Variants in MAP4K3 observed in about 807,000 individuals in gnomAD.
MAP4K3 encodes mitogen-activated protein kinase kinase kinase kinase 3, also known as MAPK/ERK kinase kinase kinase 3.
MAP4K3 carries 94 observed loss-of-function variants against 143.5 expected under a neutral mutation model. The ratio of observed to expected loss-of-function variants is 0.65; its 90% CI spans 0.55 to 0.78. The LOEUF (loss-of-function observed/expected upper bound fraction) is 0.78. MAP4K3 is among the 30% of genes least tolerant of loss of function. The probability of loss-of-function intolerance (pLI) is 0.00; values close to 1 mark genes in which losing one functional copy is unlikely to be tolerated. For synonymous variants in MAP4K3, 416 were observed against 347.2 expected (o/e 1.20, Z -2.20); for missense variants, 1,077 against 1,068.1 (o/e 1.01, Z -0.12).
chr2:39,303,434 C>T (rs769499319), intron 15 of MAP4K3, among the ~76,000 whole-genome samples: 7 of 152,158 alleles, frequency 4.6e-5, no homozygotes, highest in East Asian at 3.9e-4. Context: ...ACTGCAGGCT[C>T]GGAAATGAAT....
chr2:39,424,710 G>A (rs914724990), intron 1 of MAP4K3, among the ~76,000 whole-genome samples: 1 of 151,200 alleles, frequency 6.6e-6, no homozygotes, highest in African/African-American at 2.4e-5. Flanking sequence ...GACACCTGTA[G>A]TCCCAGCTAC....
chr2:39,290,162 A>G (rs1008340532), intron 19 of MAP4K3, 130 bp downstream of exon 19: 1 of 588,410 alleles, frequency 1.7e-6, no homozygotes, highest in Non-Finnish European at 2.9e-6. Context: ...ATAAAAAATC[A>G]TTTACTTATA....
intron 1 of MAP4K3, among the ~76,000 whole-genome samples, chr2:39,424,386 C>T (rs572083205): frequency 5.5e-4 from 84 of 152,196 alleles, no homozygotes; most frequent in African/African-American, 1.9e-3. Context: ...TGGATCTCTG[C>T]AATCTAGGTG....
chr2:39,423,949 A>C (rs568926372), intron 1 of MAP4K3, among the ~76,000 whole-genome samples: 48 of 152,092 alleles, frequency 3.2e-4, no homozygotes, highest in Non-Finnish European at 3.7e-4. Context: ...TTGGTTCATC[A>C]ATTTTTTTTT....
rs373599711 is a variant in MAP4K3 at position 39,284,106 on chromosome 2, T to C, written c.1588-1552A>G. Among the ~76,000 whole-genome samples the C allele has an allele frequency of 3.4e-4, 52 of 152,360 alleles. No homozygotes were observed. The East Asian group carries it at 6.9e-3, about 20-fold the overall frequency. ...CAAATAATATATATTTTTTCTTATA[T>C]TGATGTTATTAAATTATCTGATGTC... On this transcript the variant is annotated intron_variant, in intron 21 of 33. Coordinates refer to ENST00000263881, the MANE Select transcript of MAP4K3 (RefSeq NM_003618.4).
At chr2:39,365,278 G>A (rs994735392) in intron 2 of MAP4K3, among the ~76,000 whole-genome samples, 1 of 152,062 alleles carries the variant, frequency 6.6e-6, no homozygotes, top group African/African-American at 2.4e-5. Context: ...AAAGGGAGGA[G>A]GGTATAATGA....
At chr2:39,365,430 ATTTTTT>A (rs151026787) in intron 2 of MAP4K3, among the ~76,000 whole-genome samples, 3 of 87,912 alleles carry the variant, frequency 3.4e-5, no homozygotes, top group Admixed American at 1.3e-4. Context: ...CGCCATAGTA[ATTTTTT>A]TTTTTTTTTT....
chr2:39,354,226 G>C (rs905033821), intron 3 of MAP4K3, among the ~76,000 whole-genome samples: 1 of 152,018 alleles, frequency 6.6e-6, no homozygotes, highest in Non-Finnish European at 1.5e-5. Context: ...GGTGGATCAC[G>C]AGGTCAGGAG....
chr2:39,363,018 T>A (rs559255814), intron 2 of MAP4K3, among the ~76,000 whole-genome samples: 36 of 152,200 alleles, frequency 2.4e-4, no homozygotes, highest in Admixed American at 4.6e-4. Context: ...TTGGACGTTA[T>A]CCTACATACA....
At chr2:39,399,662 T>C (rs1391549816) in intron 1 of MAP4K3, among the ~76,000 whole-genome samples, 2 of 152,224 alleles carry the variant, frequency 1.3e-5, no homozygotes, top group Non-Finnish European at 2.9e-5. Flanking sequence ...CCTAGCTACC[T>C]AGCAGCAGGG....
intron 2 of MAP4K3, among the ~76,000 whole-genome samples, chr2:39,367,502 T>C (rs1274744957): frequency 6.6e-6 from 1 of 151,882 alleles, no homozygotes; most frequent in Admixed American, 6.6e-5. Flanking sequence ...ACTGTGCCAC[T>C]GCACTCCAGC....
rs1680265471 is a variant in MAP4K3 at position 39,254,382 on chromosome 2, G to A, written c.2541+68C>T. 3 of 1,214,428 alleles carry A rather than the reference G, an allele frequency of 2.5e-6. No homozygotes were observed. In the African/African-American group the frequency reaches 4.5e-5, roughly 18 times the overall value. 75.2% of individuals were successfully genotyped at this position (1,214,428 alleles called of 1,614,324 possible). On this transcript the variant is annotated intron_variant, in intron 32 of 33. Coordinates refer to ENST00000263881, the MANE Select transcript of MAP4K3 (RefSeq NM_003618.4). ...AATCAAGCATTACTTGTATCATTTAGGAATCGAACTGTTTGAAGTGGAATT... is the reference window on the plus strand; with the variant it reads ...AATCAAGCATTACTTGTATCATTTAAGAATCGAACTGTTTGAAGTGGAATT...
chr2:39,434,605 G>A (rs1284370597), intron 1 of MAP4K3, among the ~76,000 whole-genome samples: 2 of 152,212 alleles, frequency 1.3e-5, no homozygotes, highest in African/African-American at 4.8e-5. Flanking sequence ...TTCTCCACTG[G>A]AAATGTAATA....
chr2:39,413,449 C>G (rs1558342900), intron 1 of MAP4K3, among the ~76,000 whole-genome samples: 3 of 152,062 alleles, frequency 2.0e-5, no homozygotes, highest in Admixed American at 6.6e-5. Flanking sequence ...AGACTGGGTA[C>G]AGTCAGTGGT....
chr2:39,289,473 T>G (rs1426461111), intron 19 of MAP4K3, among the ~76,000 whole-genome samples: 1 of 152,178 alleles, frequency 6.6e-6, no homozygotes, highest in Admixed American at 6.5e-5. Context: ...ATTAGCTCAT[T>G]TTACCTTTAA....
At chr2:39,281,091 C>T (rs1681506336) in intron 22 of MAP4K3, among the ~76,000 whole-genome samples, 1 of 152,078 alleles carries the variant, frequency 6.6e-6, no homozygotes, top group South Asian at 2.1e-4. Flanking sequence ...AGAATGTTGA[C>T]TCAGGTAATC....
intron 3 of MAP4K3, 131 bp downstream of exon 3, chr2:39,356,118 G>T: frequency 1.7e-6 from 1 of 605,272 alleles, no homozygotes; most frequent in Non-Finnish European, 2.9e-6. Context: ...AATTCCATTG[G>T]TATGAAAATA....
intron 18 of MAP4K3, among the ~76,000 whole-genome samples, chr2:39,292,430 C>G (rs909217360): frequency 1.3e-5 from 2 of 152,094 alleles, no homozygotes; most frequent in African/African-American, 2.4e-5. Context: ...ACCCCTGATC[C>G]CACCATGTGC....
At chr2:39,361,085 A>G (rs902160707) in intron 2 of MAP4K3, among the ~76,000 whole-genome samples, 1 of 152,180 alleles carries the variant, frequency 6.6e-6, no homozygotes, top group Middle Eastern at 3.2e-3. Context: ...ATATCTAATT[A>G]TAAAACTTGG....
Sources: allele counts gnomAD v4.1 joint callset (sites outside exome capture counted in the v4.1 genomes callset), GRCh38; gene constraint gnomAD v4.1.1; transcripts MANE v1.5; gene names NCBI Gene and HGNC (gene_info 2026-07-23, HGNC 2026-07-21).